KANK4: variants seen among roughly 807,000 people sequenced by gnomAD.
The protein encoded by KANK4 is KN motif and ankyrin repeat domains 4.
KANK4 carries 50 observed loss-of-function variants against 80.8 expected under a neutral mutation model. The ratio of observed to expected loss-of-function variants is 0.62; its 90% CI spans 0.49 to 0.78. The LOEUF is 0.78. Among genes scored for constraint, KANK4 ranks in the 30% least tolerant of loss-of-function variants. The pLI is 0.00. For synonymous variants in KANK4, 465 were observed against 506.9 expected (o/e 0.92, Z 1.11); for missense variants, 1,196 against 1,240.1 (o/e 0.96, Z 0.53).
intron 8 of KANK4, among the ~76,000 whole-genome samples, chr1:62,249,931 T>C (rs953219583): frequency 1.3e-5 from 2 of 151,956 alleles, no homozygotes; most frequent in African/African-American, 4.8e-5. Flanking sequence ...CCTTGGCCTC[T>C]CAAAGTGCTG....
At chr1:62,272,270 AG>A (rs1672181302) in intron 3 of KANK4, 1 of 152,548 alleles carries the variant, frequency 6.6e-6, no homozygotes, top group Non-Finnish European at 1.5e-5. Context: ...GCTCAGCCGA[AG>A]GGCCCATTTC....
At chr1:62,268,857 C>T (rs1672092285) in intron 4 of KANK4, among the ~76,000 whole-genome samples, 1 of 152,232 alleles carries the variant, frequency 6.6e-6, no homozygotes, top group Non-Finnish European at 1.5e-5. Flanking sequence ...CTCATGAAAG[C>T]ATTTGCTTGT....
At chr1:62,312,219 A>G (rs1182928525) in intron 1 of KANK4, among the ~76,000 whole-genome samples, 2 of 152,222 alleles carry the variant, frequency 1.3e-5, no homozygotes, top group African/African-American at 4.8e-5. Flanking sequence ...TATAGTAACT[A>G]CTATAAATAC....
chr1:62,318,741 C>T (rs1571065036), intron 1 of KANK4, among the ~76,000 whole-genome samples: 1 of 152,222 alleles, frequency 6.6e-6, no homozygotes, highest in African/African-American at 2.4e-5. Context: ...GGCTGCACCA[C>T]CTGAGTCGCA....
chr1:62,247,326 AT>A (rs1671489626), intron 9 of KANK4, 145 bp downstream of exon 9: 1 of 544,806 alleles, frequency 1.8e-6, no homozygotes, highest in Non-Finnish European at 3.1e-6. Flanking sequence ...TTTTTAAGAG[AT>A]GGGGGTCTCC....
At chr1:62,244,014 A>G (rs1671408010) in intron 9 of KANK4, among the ~76,000 whole-genome samples, 1 of 151,740 alleles carries the variant, frequency 6.6e-6, no homozygotes, top group African/African-American at 2.4e-5. Context: ...AATAGTTACC[A>G]TCCCCTGTGT....
chr1:62,246,997 G>A (rs1671481446), intron 9 of KANK4, among the ~76,000 whole-genome samples: 1 of 152,024 alleles, frequency 6.6e-6, no homozygotes, highest in South Asian at 2.1e-4. Context: ...CTGACCTCAG[G>A]TGATCGACCT....
At chr1:62,305,925 G>T (rs1383764389) in intron 1 of KANK4, among the ~76,000 whole-genome samples, 5 of 152,146 alleles carry the variant, frequency 3.3e-5, no homozygotes, top group Non-Finnish European at 5.9e-5. Flanking sequence ...GTTTGGAGGT[G>T]CCCAGTGGGG....
chr1:62,266,785 G>T lies in KANK4; in HGVS notation c.2266C>A (p.Arg756=), dbSNP rs144855300. The T allele has an allele frequency of 1.7e-4, 281 of 1,612,054 alleles. No individual in the cohort carries two copies. The highest frequency in any genetic ancestry group is 1.9e-4 in the Non-Finnish European group (219 of 1,178,348). The change falls in exon 6 of 10, where the codon CGG becomes AGG. Residue 756 remains arginine, a synonymous_variant. Coordinates refer to ENST00000371153, the MANE Select transcript of KANK4 (RefSeq NM_181712.5). The stretch of plus-strand genomic sequence containing the variant: ...TCTGGCAGATGCTGGCTCAGTGCCC[G>T]GCATGCATTAAGAAATTCTTCTGAG... ...KPSEEFLNAC[R]ALSQHLPETG...
intron 2 of KANK4, among the ~76,000 whole-genome samples, chr1:62,281,013 A>G (rs1032819351): frequency 2.0e-5 from 3 of 152,202 alleles, no homozygotes; most frequent in Middle Eastern, 3.2e-3. Context: ...CCATGTGAAC[A>G]AGCCCTAGCC....
intron 4 of KANK4, among the ~76,000 whole-genome samples, chr1:62,268,839 C>A (rs370716574): frequency 6.6e-6 from 1 of 152,244 alleles, no homozygotes; most frequent in East Asian, 1.9e-4. Context: ...GACAGGCCAT[C>A]CAGCGTTCTC....
chr1:62,278,368 C>T (rs1468442206), intron 2 of KANK4, among the ~76,000 whole-genome samples: 3,294 of 18,634 alleles, frequency 0.18, 495 homozygotes, highest in African/African-American at 0.34. Context: ...TTCCTTCCTT[C>T]CTTCCTTCCT....
intron 9 of KANK4, among the ~76,000 whole-genome samples, chr1:62,241,858 G>A (rs984749073): frequency 6.6e-6 from 1 of 152,146 alleles, no homozygotes; most frequent in South Asian, 2.1e-4. Context: ...CAGTGTTTAC[G>A]GAGAAGAGCC....
intron 1 of KANK4, among the ~76,000 whole-genome samples, chr1:62,300,587 T>C (rs116468198): frequency 1.8e-3 from 274 of 152,116 alleles, no homozygotes; most frequent in African/African-American, 6.1e-3. Context: ...TGAAAACATG[T>C]ATGGTGGGCT....
intron 7 of KANK4, among the ~76,000 whole-genome samples, chr1:62,260,269 A>T (rs77517713): frequency 0.014 from 2,176 of 150,816 alleles, 46 homozygotes; most frequent in African/African-American, 0.05. Context: ...TCTCTTTTGT[A>T]TCTTTCACCT....
In KANK4 at chr1:62,274,729, C is replaced by T. The variant is rs762644727; in HGVS notation, c.375G>A (p.Val125=). ...CCAACAGAGCCTTCCTGTGGTAGCT[C>T]ACCTCACTCCTGCTTGTTGAGGCCT... is the stretch of plus-strand genomic sequence containing the variant. ...APQASTSRSE[V]SYHRKALLAE... Residue 125 remains valine (V), a synonymous_variant, in exon 3 of 10, where the codon GTG becomes GTA. Transcript: ENST00000371153. 8.5e-5 allele frequency: 137 copies of T among 1,614,060 alleles called. No individual in the cohort carries two copies. The highest frequency in any genetic ancestry group is 1.1e-4 in the Non-Finnish European group (126 of 1,180,040).
intron 4 of KANK4, among the ~76,000 whole-genome samples, chr1:62,269,068 A>G (rs1672097368): frequency 6.6e-6 from 1 of 152,230 alleles, no homozygotes; most frequent in South Asian, 2.1e-4. Flanking sequence ...GGGATACCCC[A>G]GCACAGCACC....
chr1:62,268,157 A>C (rs1205013880), intron 5 of KANK4, 130 bp downstream of exon 5: 1 of 764,360 alleles, frequency 1.3e-6, no homozygotes, highest in Non-Finnish European at 2.2e-6. Flanking sequence ...GTGGGCATGA[A>C]ACAGAGACTT....
chr1:62,253,459 G>T (rs1376139419), intron 7 of KANK4, among the ~76,000 whole-genome samples: 1 of 133,488 alleles, frequency 7.5e-6, no homozygotes, highest in Non-Finnish European at 1.5e-5. Context: ...ACCCAGGCTG[G>T]AGTGCAGTGA....
Sources: gnomAD v4.1 joint callset for allele counts (sites outside exome capture counted in the v4.1 genomes callset) on GRCh38, gnomAD v4.1.1 for gene constraint, MANE v1.5 for transcripts, NCBI Gene and HGNC (gene_info 2026-07-23, HGNC 2026-07-21) for gene names.